The following CSMD1 variants were observed in gnomAD, a reference collection of about 807,000 sequenced individuals.
The protein encoded by CSMD1 is CUB and Sushi multiple domains 1.
In CSMD1, 213 loss-of-function variants were observed where a neutral mutation model predicts 417.5. The observed-to-expected ratio is 0.51, with a 90% CI of 0.46 to 0.57. The LOEUF (loss-of-function observed/expected upper bound fraction) is 0.57, where lower values mean the gene tolerates loss of function less well. Among genes scored for constraint, CSMD1 ranks in the 20% least tolerant of loss-of-function variants. CSMD1 has a pLI of 0.00. For missense variants in CSMD1, 6,923 were observed against 4,529.7 expected (o/e 1.53, Z -15.17); for synonymous variants, 2,862 against 1,736.8 (o/e 1.65, Z -16.11).
At chr8:4,918,225 A>G (rs1180454515) in intron 1 of CSMD1, among the ~76,000 whole-genome samples, 1 of 152,232 alleles carries the variant, frequency 6.6e-6, no homozygotes, top group African/African-American at 2.4e-5. Context: ...CGAGGGATCA[A>G]GGACATCACT....
At position 3,106,798 on chromosome 8, in the gene CSMD1, C is replaced by T. The variant is rs761049554; in HGVS notation, c.6836-157G>A. The T allele has an allele frequency of 1.0e-5, 5 of 487,948 alleles. No individual in the cohort carries two copies. In the Admixed American group the frequency reaches 1.1e-4, roughly 11 times the overall value. The allele number at this position is 487,948 out of a possible 1,614,324, so 30.2% of individuals were successfully genotyped here. A position where few individuals can be genotyped will look rare whatever the true frequency, so the allele number is the denominator to read the frequency against. ...ATTTTTAGTCTTTTAAAAATAATACCGTTTTAAGTTCTTAATTTATAAAAA... is the reference window on the plus strand; with the variant it reads ...ATTTTTAGTCTTTTAAAAATAATACTGTTTTAAGTTCTTAATTTATAAAAA... On this transcript the variant is annotated intron_variant, in intron 45 of 69. Transcript: ENST00000635120.
chr8:3,245,138 G>A (rs1406219166), intron 26 of CSMD1, among the ~76,000 whole-genome samples: 7 of 152,198 alleles, frequency 4.6e-5, no homozygotes, highest in Non-Finnish European at 8.8e-5. Context: ...TGCATTAATT[G>A]AGTTTGTATT....
At chr8:4,448,831 G>T (rs1437072184) in intron 2 of CSMD1, among the ~76,000 whole-genome samples, 1 of 152,090 alleles carries the variant, frequency 6.6e-6, no homozygotes. Flanking sequence ...CAGGGTAAAA[G>T]GTAATTTCTC....
intron 7 of CSMD1, among the ~76,000 whole-genome samples, chr8:3,642,935 A>G (rs1369031446): frequency 6.6e-6 from 1 of 151,982 alleles, no homozygotes; most frequent in Non-Finnish European, 1.5e-5. Flanking sequence ...TAAAACCACT[A>G]ATAGTTAAAA....
In CSMD1 at chr8:4,408,500, A is replaced by C. The variant is rs142449816; in HGVS notation, c.415+11453T>G. Among the ~76,000 whole-genome samples the C allele has an allele frequency of 5.5e-3, 832 of 152,342 alleles. 10 individuals are homozygous for C. The highest frequency in any genetic ancestry group is 0.018 in the African/African-American group (769 of 41,580). The stretch of plus-strand genomic sequence containing the variant: ...TTTAATAGCTTAATTTTACTTCTTT[A>C]TCTCAAGCTTCTAAACAATTCTTGG... On this transcript the variant is annotated intron_variant, in intron 3 of 69. Transcript: ENST00000635120.
At chr8:4,495,349 G>A (rs913223206) in intron 2 of CSMD1, among the ~76,000 whole-genome samples, 3 of 152,190 alleles carry the variant, frequency 2.0e-5, no homozygotes, top group Non-Finnish European at 2.9e-5. Context: ...GCTGAGGCGG[G>A]CGGATCACGA....
At chr8:3,437,864 C>A (rs965120179) in intron 12 of CSMD1, among the ~76,000 whole-genome samples, 1 of 151,892 alleles carries the variant, frequency 6.6e-6, no homozygotes, top group African/African-American at 2.4e-5. Context: ...TCTCTTGTTT[C>A]AGCCACCCGA....
intron 1 of CSMD1, among the ~76,000 whole-genome samples, chr8:4,941,271 C>CG: frequency 9.5e-6 from 1 of 105,418 alleles, no homozygotes; most frequent in African/African-American, 2.8e-5. Context: ...CAGTAACATT[C>CG]TTTGATTCAA....
At chr8:3,578,949 A>G (rs1417371131) in intron 9 of CSMD1, among the ~76,000 whole-genome samples, 1 of 152,258 alleles carries the variant, frequency 6.6e-6, no homozygotes, top group South Asian at 2.1e-4. Flanking sequence ...GCACGTTTAC[A>G]CAAACTATAG....
intron 10 of CSMD1, among the ~76,000 whole-genome samples, chr8:3,496,442 CA>C (rs1421721501): frequency 1.3e-5 from 2 of 152,148 alleles, no homozygotes; most frequent in Admixed American, 6.5e-5. Flanking sequence ...TCCTCCAGGC[CA>C]CAGAGCTAGG....
At chr8:4,039,214 C>A (rs1255662187) in intron 3 of CSMD1, among the ~76,000 whole-genome samples, 1 of 152,118 alleles carries the variant, frequency 6.6e-6, no homozygotes, top group Non-Finnish European at 1.5e-5. Flanking sequence ...GGGTTTCTCT[C>A]CATTTCTCTA....
intron 1 of CSMD1, among the ~76,000 whole-genome samples, chr8:4,968,079 T>C (rs577324438): frequency 9.2e-5 from 14 of 152,264 alleles, no homozygotes; most frequent in African/African-American, 2.9e-4. Context: ...CTGAGAAATA[T>C]AATTTGTTTC....
At chr8:3,195,900 G>C (rs1459264799) in intron 33 of CSMD1, among the ~76,000 whole-genome samples, 1 of 152,162 alleles carries the variant, frequency 6.6e-6, no homozygotes, top group African/African-American at 2.4e-5. Context: ...TATTTAAACT[G>C]TCAGAGGTGT....
At chr8:3,848,216 G>C (rs1447052484) in intron 5 of CSMD1, among the ~76,000 whole-genome samples, 2 of 152,250 alleles carry the variant, frequency 1.3e-5, no homozygotes, top group East Asian at 3.9e-4. Flanking sequence ...GAAGTTGTCA[G>C]GACATTGATC....
intron 1 of CSMD1, among the ~76,000 whole-genome samples, chr8:4,940,545 A>G (rs889708469): frequency 2.0e-5 from 3 of 152,232 alleles, no homozygotes; most frequent in Admixed American, 2.0e-4. Flanking sequence ...CTGAAAATTC[A>G]TCCACACAGT....
intron 5 of CSMD1, among the ~76,000 whole-genome samples, chr8:3,966,510 G>C (rs1812686241): frequency 6.6e-6 from 1 of 152,104 alleles, no homozygotes; most frequent in Non-Finnish European, 1.5e-5. Context: ...AGGAGAATCA[G>C]TTCCTGGGAG....
chr8:4,085,999 A>G (rs1275709969), intron 3 of CSMD1, among the ~76,000 whole-genome samples: 2 of 152,228 alleles, frequency 1.3e-5, no homozygotes, highest in Admixed American at 1.3e-4. Context: ...AATTAAAAGA[A>G]GGAGCAAGGA....
intron 6 of CSMD1, among the ~76,000 whole-genome samples, chr8:3,710,470 T>A (rs777320348): frequency 3.3e-5 from 5 of 152,148 alleles, no homozygotes; most frequent in African/African-American, 1.2e-4. Flanking sequence ...ACCGACTGTG[T>A]GTGGCAGTGA....
At chr8:4,804,651 G>C (rs1798491186) in intron 1 of CSMD1, among the ~76,000 whole-genome samples, 1 of 151,940 alleles carries the variant, frequency 6.6e-6, no homozygotes, top group African/African-American at 2.4e-5. Flanking sequence ...ATATTACAAA[G>C]AATTTTTACT....
Sources: gnomAD v4.1 joint callset for allele counts (sites outside exome capture counted in the v4.1 genomes callset) on GRCh38, gnomAD v4.1.1 for gene constraint, MANE v1.5 for transcripts, NCBI Gene and HGNC (gene_info 2026-07-23, HGNC 2026-07-21) for gene names.